INSR: variants seen among roughly 807,000 people sequenced by gnomAD.
INSR encodes the protein insulin receptor, also known as IR.
INSR carries 67 observed loss-of-function variants against 142.6 expected under a neutral mutation model. That is an observed-to-expected ratio of 0.47 (90% CI 0.39 to 0.58). The LOEUF is 0.58. INSR is among the 20% of genes least tolerant of loss of function. The probability of loss-of-function intolerance (pLI) is 0.00; values close to 1 mark genes in which losing one functional copy is unlikely to be tolerated. For synonymous variants in INSR, 756 were observed against 743.1 expected (o/e 1.02, Z -0.28); for missense variants, 1,248 against 1,833.2 (o/e 0.68, Z 5.83).
rs529869522 is a variant in INSR, at chr19:7,142,982, C to T, written c.2376G>A (p.Pro792=). The T allele has an allele frequency of 1.4e-5, 23 of 1,614,058 alleles. No homozygotes were observed. The highest frequency in any genetic ancestry group is 8.0e-5 in the African/African-American group (6 of 74,922). ...CCTTCTCAAAAGGCCTGTGCTCCTCCGGACTCGTGGGCACGCTGGTCGAGG... is the reference window on the plus strand; with the variant it reads ...CCTTCTCAAAAGGCCTGTGCTCCTCTGGACTCGTGGGCACGCTGGTCGAGG... ...NTSSTSVPTS[P]EEHRPFEKVV... Residue 792 remains proline, a synonymous_variant, in exon 12 of 22, where the codon CCG becomes CCA. Transcript: ENST00000302850.
At chr19:7,184,716 C>A in intron 2 of INSR, 79 bp from the exon 3 acceptor site, 1 of 1,097,138 alleles carries the variant, frequency 9.1e-7, no homozygotes, top group Non-Finnish European at 1.2e-6. Flanking sequence ...ATGGCTTTGT[C>A]CAATTCCTGT....
chr19:7,120,145 C>T (rs754921796), intron 20 of INSR, among the ~76,000 whole-genome samples: 3 of 152,164 alleles, frequency 2.0e-5, no homozygotes, highest in East Asian at 1.9e-4. Context: ...TTTGGAGAGG[C>T]GCATCAGAAA....
chr19:7,194,977 C>G (rs925180357), intron 2 of INSR, among the ~76,000 whole-genome samples: 5 of 152,014 alleles, frequency 3.3e-5, no homozygotes, highest in Non-Finnish European at 5.9e-5. Flanking sequence ...AACCCCATCC[C>G]CTGTCCTCGA....
At chr19:7,290,618 C>G (rs905229894) in intron 1 of INSR, among the ~76,000 whole-genome samples, 3 of 151,792 alleles carry the variant, frequency 2.0e-5, no homozygotes, top group African/African-American at 7.3e-5. Flanking sequence ...ACTAAAAATA[C>G]AAAAATTAGC....
chr19:7,214,561 G>A (rs565511932), intron 2 of INSR, among the ~76,000 whole-genome samples: 1 of 152,310 alleles, frequency 6.6e-6, no homozygotes, highest in South Asian at 2.1e-4. Context: ...GGTTGTCCAC[G>A]TGAGAGATTT....
Position 7,166,032 on chromosome 19 carries a change from TAAAAAA to T in INSR, c.1861+116_1861+121del. 1 of 968,058 alleles carries T rather than the reference TAAAAAA, an allele frequency of 1.0e-6. No homozygotes were observed. The highest frequency in any genetic ancestry group is 1.5e-6 in the Non-Finnish European group (1 of 659,908). 60.0% of individuals were successfully genotyped at this position (968,058 alleles called of 1,614,324 possible). A position where few individuals can be genotyped will look rare whatever the true frequency, so the allele number is the denominator to read the frequency against. ...CTGGGTGACAAAGTAAGACCCTGTC[TAAAAAA>T]AAAAAAAAAGCCAATAACCATATCA... On this transcript the variant is annotated intron_variant, in intron 8 of 21. Transcript: ENST00000302850. The surrounding 1 kb of genome is among the most constrained non-coding windows in gnomAD (Gnocchi z 4.1).
chr19:7,156,613 A>G (rs957878708), intron 9 of INSR, among the ~76,000 whole-genome samples: 1 of 152,148 alleles, frequency 6.6e-6, no homozygotes, highest in Non-Finnish European at 1.5e-5. Flanking sequence ...CCAGACAGAA[A>G]AAACACCAAG....
intron 2 of INSR, among the ~76,000 whole-genome samples, chr19:7,251,142 G>A (rs1022023605): frequency 6.6e-6 from 1 of 151,894 alleles, no homozygotes; most frequent in African/African-American, 2.4e-5. Context: ...ACATTCCCTG[G>A]AGTTGTGACA....
intron 1 of INSR, chr19:7,268,712 C>T (rs904711809): frequency 1.3e-5 from 6 of 465,494 alleles, no homozygotes; most frequent in Non-Finnish European, 1.7e-5. Flanking sequence ...AAGTGCTGCA[C>T]TAATGTCAGC....
chr19:7,133,130 T>C (rs920927870), intron 13 of INSR, among the ~76,000 whole-genome samples: 1 of 151,780 alleles, frequency 6.6e-6, no homozygotes, highest in African/African-American at 2.4e-5. Context: ...GGCACGATGG[T>C]TCGCACCTGT....
At chr19:7,197,434 A>C (rs866002205) in intron 2 of INSR, among the ~76,000 whole-genome samples, 10 of 152,266 alleles carry the variant, frequency 6.6e-5, no homozygotes, top group Middle Eastern at 6.8e-3. Flanking sequence ...CTGCGCACGC[A>C]GAGGCCCGGA....
At chr19:7,272,657 AAAACAAAAACAAACAAAC>A (rs948233837) in intron 1 of INSR, among the ~76,000 whole-genome samples, 8 of 152,194 alleles carry the variant, frequency 5.3e-5, no homozygotes, top group Admixed American at 1.3e-4. Context: ...CCACGAAACA[AAAACAAAAACAAACAAAC>A]AAACAAAAAC....
chr19:7,180,432 T>C (rs966669537), intron 3 of INSR, among the ~76,000 whole-genome samples: 2 of 148,238 alleles, frequency 1.3e-5, no homozygotes, highest in South Asian at 4.2e-4. Context: ...CAGGAGGCTG[T>C]GGCAGGAGGA....
At chr19:7,133,028 G>A (rs555528477) in intron 13 of INSR, among the ~76,000 whole-genome samples, 92 of 152,232 alleles carry the variant, frequency 6.0e-4, no homozygotes, top group South Asian at 1.5e-3. Flanking sequence ...ATGGGAGGCC[G>A]TGAAGGGAGG....
chr19:7,132,201 G>A lies in INSR; in HGVS notation c.2799C>T (p.Asn933=), dbSNP rs113446125. 4.0e-5 allele frequency: 64 copies of A among 1,614,192 alleles called. No homozygotes were observed. Among genetic ancestry groups the A allele is most frequent in the African/African-American group, 1.9e-4 (14 of 75,066 alleles). The change falls in exon 14 of 22, where the codon AAC becomes AAT. Residue 933 remains asparagine (N), a synonymous_variant. Transcript: ENST00000302850. ...VRIRATSLAG[N]GSWTEPTYFY... ...AATAGGTGGGTTCCGTCCAAGAGCC[G>A]TTGCCCGCAAGGGAGGTGGCCCGGA...
chr19:7,117,075 G>A lies in INSR; in HGVS notation c.4130C>T (p.Pro1377Leu). ...GKKNGRILTL[P>L]RSNPS ...GCACTGTTAGGAAGGATTGGACCGA[G>A]GCAAGGTCAGAATCCGCCCGTTTTT... The change falls in exon 22 of 22, where the codon CCT becomes CTT. Residue 1377 changes from proline to leucine, a missense_variant. Coordinates refer to ENST00000302850, the MANE Select transcript of INSR (RefSeq NM_000208.4). 6.2e-7 allele frequency: 1 copy of A among 1,614,116 alleles called. No individual in the cohort carries two copies. The highest frequency in any genetic ancestry group is 8.5e-7 in the Non-Finnish European group (1 of 1,179,988).
rs1320445229 is a variant in INSR, at chr19:7,279,596, T to A, written c.101-11700A>T. 3.3e-5 allele frequency among the ~76,000 whole-genome samples: 5 copies of A among 151,158 alleles called. No individual in the cohort carries two copies. The East Asian group carries it at 9.7e-4, about 29-fold the overall frequency. On this transcript the variant is annotated intron_variant, in intron 1 of 21. Transcript: ENST00000302850. ...CTCAGGGATGTGGGTCCCGTGGGCATTGGGAAGATGGGGGAACAGGTACGG... is the reference window on the plus strand; with the variant it reads ...CTCAGGGATGTGGGTCCCGTGGGCAATGGGAAGATGGGGGAACAGGTACGG...
intron 2 of INSR, among the ~76,000 whole-genome samples, chr19:7,224,556 C>T (rs1975720931): frequency 6.6e-6 from 1 of 152,214 alleles, no homozygotes; most frequent in Non-Finnish European, 1.5e-5. Context: ...GACGGCCCCA[C>T]TCCAGGTGAC....
chr19:7,247,361 C>T (rs576521483), intron 2 of INSR, among the ~76,000 whole-genome samples: 1 of 152,290 alleles, frequency 6.6e-6, no homozygotes, highest in South Asian at 2.1e-4. Flanking sequence ...TGGTGACCCA[C>T]AGACAAGACA....
Sources: allele counts gnomAD v4.1 joint callset (sites outside exome capture counted in the v4.1 genomes callset), GRCh38; gene constraint gnomAD v4.1.1; non-coding constraint Gnocchi (gnomAD v3.1); transcripts MANE v1.5; gene names NCBI Gene and HGNC (gene_info 2026-07-23, HGNC 2026-07-21).